LRP2BP: variants seen among roughly 807,000 people sequenced by gnomAD.
LRP2BP encodes the protein LRP2-binding protein.
In LRP2BP, 38 loss-of-function variants were observed where a neutral mutation model predicts 45.2. The ratio of observed to expected loss-of-function variants is 0.84; its 90% confidence interval spans 0.65 to 1.10. The LOEUF (loss-of-function observed/expected upper bound fraction) is 1.10, where lower values mean the gene tolerates loss of function less well. Ranked by LOEUF, LRP2BP falls within the 50% of genes least tolerant of loss-of-function variation. The probability of loss-of-function intolerance (pLI) is 0.00; values close to 1 mark genes in which losing one functional copy is unlikely to be tolerated. For missense variants in LRP2BP, 385 were observed against 418.9 expected (o/e 0.92, Z 0.71); for synonymous variants, 153 against 153.9 (o/e 0.99, Z 0.04).
Position 185,370,785 on chromosome 4 carries a change from A to G in LRP2BP, c.833T>C (p.Ile278Thr), listed in dbSNP as rs1169512841. The G allele has an allele frequency of 3.1e-6, 5 of 1,614,096 alleles. No homozygotes were observed. The highest frequency in any genetic ancestry group is 1.3e-5 in the African/African-American group (1 of 75,018). Residue 278 changes from isoleucine to threonine, a missense_variant, in exon 8 of 9, where the codon ATC becomes ACC. Physicochemically the swap from Ile to Thr is moderately conservative, Grantham distance 89. Transcript: ENST00000505916. ...RIADYDEVHD[I>T]PMIAQVTDCL... ...GTCTGTGACCTGGGCGATCATGGGG[A>G]TGTCGTGAACCTCATCATAGTCAGC...
At chr4:185,377,074 T>C in intron 2 of LRP2BP, 56 bp from the exon 3 acceptor site, 1 of 1,197,670 alleles carries the variant, frequency 8.3e-7, no homozygotes, top group Middle Eastern at 2.0e-4. Context: ...TTTTCTCTCT[T>C]GAAGTAATGA....
At chr4:185,376,443 CTTTTTTT>C (rs34024562) in intron 3 of LRP2BP, among the ~76,000 whole-genome samples, 42 of 105,792 alleles carry the variant, frequency 4.0e-4, no homozygotes, top group Admixed American at 4.3e-4. Flanking sequence ...TGCCCAGCTA[CTTTTTTT>C]TTTTTTTTTT....
chr4:185,372,787 C>T, intron 7 of LRP2BP, 69 bp downstream of exon 7: 2 of 1,320,618 alleles, frequency 1.5e-6, no homozygotes, highest in Non-Finnish European at 2.1e-6. Flanking sequence ...AAATAAATTT[C>T]TGTTTCTCAT....
At chr4:185,393,897 G>A (rs181210570) in intron 1 of LRP2BP, among the ~76,000 whole-genome samples, 11 of 152,056 alleles carry the variant, frequency 7.2e-5, no homozygotes, top group Admixed American at 6.5e-4. Context: ...CCAGGAACAA[G>A]GCTACACTGA....
Position 185,370,679 on chromosome 4 carries a change from G to A in LRP2BP, c.939C>T (p.Ile313=). 1 of 1,614,054 alleles carries A rather than the reference G, an allele frequency of 6.2e-7. No homozygotes were observed. Among genetic ancestry groups the A allele is most frequent in the South Asian group, 1.1e-5 (1 of 91,078 alleles). The change falls in exon 8 of 9, where the codon ATC becomes ATT. Residue 313 remains isoleucine (I), a synonymous_variant. Transcript: ENST00000505916. The part of the protein sequence containing the change: ...HARCLQLGLG[I]TRDETTAKHY... ...GTTTAGCGGTTGTTTCATCCCTGGT[G>A]ATGCCCAAGCCAAGCTGAAGACACC...
At chr4:185,371,712 G>T (rs968570203) in intron 7 of LRP2BP, among the ~76,000 whole-genome samples, 4 of 152,172 alleles carry the variant, frequency 2.6e-5, no homozygotes, top group African/African-American at 9.7e-5. Flanking sequence ...TTTAAAGAAT[G>T]ATTTAAAGTC....
At position 185,366,995 on chromosome 4, in the gene LRP2BP, T is replaced by C. The variant is rs1472844296; in HGVS notation, c.*185A>G. The C allele has an allele frequency of 9.1e-6, 5 of 549,608 alleles. No homozygotes were observed. The highest frequency in any genetic ancestry group is 1.6e-5 in the Non-Finnish European group (5 of 310,400). The allele number at this position is 549,608 out of a possible 1,614,324, so 34.0% of individuals were successfully genotyped here. A position where few individuals can be genotyped will look rare whatever the true frequency, so the allele number is the denominator to read the frequency against. On this transcript the variant is annotated 3_prime_UTR_variant, in exon 9 of 9. Coordinates refer to ENST00000505916, the MANE Select transcript of LRP2BP (RefSeq NM_001377440.1). Reference sequence around the variant, plus strand: ...GAGGACTCTTCCAGCAATTTGACCTTGTGTCTAGGTTTCAAGTTGCAAAAC... The same window carrying C: ...GAGGACTCTTCCAGCAATTTGACCTCGTGTCTAGGTTTCAAGTTGCAAAAC...
At position 185,395,714 on chromosome 4, in the gene LRP2BP, CAAA is replaced by C; in HGVS notation, c.-960_-958del. 1 of 985,282 alleles carries C rather than the reference CAAA, an allele frequency of 1.0e-6. No homozygotes were observed. The highest frequency in any genetic ancestry group is 1.2e-6 in the Non-Finnish European group (1 of 829,894). The allele number at this position is 985,282 out of a possible 1,614,324, so 61.0% of individuals were successfully genotyped here. On this transcript the variant is annotated 5_prime_UTR_variant, in exon 1 of 9. Transcript: ENST00000505916. Reference sequence around the variant, plus strand: ...ATTGCAAATTTTATGGCTCTTACTACAAAACAAAAAGTAGAATGAAAAGACCAC... The same window carrying C: ...ATTGCAAATTTTATGGCTCTTACTACACAAAAAGTAGAATGAAAAGACCAC...
chr4:185,370,586 T>C, intron 8 of LRP2BP, 54 bp downstream of exon 8: 1 of 1,578,484 alleles, frequency 6.3e-7, no homozygotes, highest in South Asian at 1.1e-5. Flanking sequence ...AAGTTGCAGC[T>C]AAAAGCCTGG....
chr4:185,388,213 A>T (rs2095477284), intron 1 of LRP2BP, among the ~76,000 whole-genome samples: 1 of 152,180 alleles, frequency 6.6e-6, no homozygotes, highest in Admixed American at 6.5e-5. Context: ...TAGGAGATGA[A>T]GTCTGAGGTG....
upstream of LRP2BP, chr4:185,396,857 C>T (rs962729693): frequency 5.9e-6 from 9 of 1,537,456 alleles, no homozygotes; most frequent in African/African-American, 1.4e-5. Flanking sequence ...TCTTACCTGT[C>T]GGGGTGCGGC....
chr4:185,369,357 A>G lies in LRP2BP; in HGVS notation c.978+1283T>C, dbSNP rs542058903. The stretch of plus-strand genomic sequence containing the variant: ...CTCAGCCTCGCGAGTAGCTGGGTTT[A>G]CAGGCACACATTGCCATGCCTGGCT... On this transcript the variant is annotated intron_variant, in intron 8 of 8. Transcript: ENST00000505916. 1.6e-4 allele frequency among the ~76,000 whole-genome samples: 23 copies of G among 141,560 alleles called. No homozygotes were observed. In the South Asian group the frequency reaches 2.2e-3, roughly 13 times the overall value. 92.9% of individuals were successfully genotyped at this position (141,560 alleles called of 152,430 possible). A position where few individuals can be genotyped will look rare whatever the true frequency, so the allele number is the denominator to read the frequency against.
Position 185,370,811 on chromosome 4 carries a change from G to C in LRP2BP, c.807C>G (p.Ile269Met). The C allele has an allele frequency of 4.3e-6, 7 of 1,614,028 alleles. No homozygotes were observed. The highest frequency in any genetic ancestry group is 5.9e-6 in the Non-Finnish European group (7 of 1,179,970). Residue 269 changes from isoleucine to methionine, a missense_variant, in exon 8 of 9, where the codon ATC (isoleucine) becomes ATG (methionine). Physicochemically the swap from Ile to Met is conservative, Grantham distance 10. Coordinates refer to ENST00000505916, the MANE Select transcript of LRP2BP (RefSeq NM_001377440.1). Reference protein sequence around the residue: ...FTKCVAFSKRIADYDEVHDIP... With the variant: ...FTKCVAFSKRMADYDEVHDIP... ...TGTCGTGAACCTCATCATAGTCAGC[G>C]ATCCTGAGAGGATGTAGAGTTGTGA...
chr4:185,393,909 A>T (rs968103615), intron 1 of LRP2BP, among the ~76,000 whole-genome samples: 2 of 152,228 alleles, frequency 1.3e-5, no homozygotes, highest in Admixed American at 1.3e-4. Context: ...CTACACTGAC[A>T]GTCATTATTA....
At position 185,389,209 on chromosome 4, in the gene LRP2BP, TTTTA is replaced by T. The variant is rs201829823; in HGVS notation, c.-22+5566_-22+5569del. ...TAATTTTTATTTATTTTTATTTTTA[TTTTA>T]TTTATTTATTTTGAGAACGGAGTCT... On this transcript the variant is annotated intron_variant, in intron 1 of 8. Transcript: ENST00000505916. 5.7e-3 allele frequency among the ~76,000 whole-genome samples: 860 copies of T among 151,614 alleles called. 2 individuals are homozygous for T. The highest frequency in any genetic ancestry group is 8.3e-3 in the Non-Finnish European group (563 of 67,896).
In LRP2BP at chr4:185,375,737, C is replaced by T. The variant is rs767634470; in HGVS notation, c.217-11G>A. ...TTCTTCATACCATCCCTAGAAGCAC[C>T]CAGAAGATATTTAATTATTTTTATT... is the stretch of plus-strand genomic sequence containing the variant. On this transcript the variant is annotated splice_polypyrimidine_tract_variant and intron_variant, in intron 3 of 8. Transcript: ENST00000505916. 10 of 1,511,230 alleles carry T rather than the reference C, an allele frequency of 6.6e-6. No homozygotes were observed. In the South Asian group the frequency reaches 1.1e-4, roughly 17 times the overall value. The allele number at this position is 1,511,230 out of a possible 1,614,324, so 93.6% of individuals were successfully genotyped here. A position where few individuals can be genotyped will look rare whatever the true frequency, so the allele number is the denominator to read the frequency against.
upstream of LRP2BP, chr4:185,397,046 T>C (rs962456079): frequency 2.5e-6 from 4 of 1,610,200 alleles, no homozygotes; most frequent in African/African-American, 2.7e-5. Flanking sequence ...CACTGGGCGC[T>C]GCCTGGTCAG....
At chr4:185,396,049 A>C, upstream of LRP2BP, 4 of 283,132 alleles carry the variant, frequency 1.4e-5, no homozygotes, top group Non-Finnish European at 2.1e-5. Flanking sequence ...GCGGGTCCGA[A>C]TCGCACGCGG....
intron 6 of LRP2BP, among the ~76,000 whole-genome samples, chr4:185,373,616 G>A (rs1336488924): frequency 6.6e-6 from 1 of 152,170 alleles, no homozygotes; most frequent in Non-Finnish European, 1.5e-5. Flanking sequence ...ATCCAAAGAT[G>A]GCCTTAGTTG....
Sources: allele counts gnomAD v4.1 joint callset (sites outside exome capture counted in the v4.1 genomes callset), GRCh38; gene constraint gnomAD v4.1.1; transcripts MANE v1.5; gene names NCBI Gene and HGNC (gene_info 2026-07-23, HGNC 2026-07-21).